Variants in PKHD1L1 observed in about 807,000 individuals in gnomAD.
The protein encoded by PKHD1L1 is fibrocystin-L.
Under a neutral mutation model 462.9 loss-of-function variants are expected in PKHD1L1, and 434 were observed. The ratio of observed to expected loss-of-function variants is 0.94; its 90% confidence interval spans 0.87 to 1.02. The LOEUF (loss-of-function observed/expected upper bound fraction) is 1.02, where lower values mean the gene tolerates loss of function less well. PKHD1L1 is among the 50% of genes least tolerant of loss of function. PKHD1L1 has a pLI of 0.00. For synonymous variants in PKHD1L1, 1,781 were observed against 1,750.0 expected (o/e 1.02, Z -0.44); for missense variants, 5,202 against 5,096.1 (o/e 1.02, Z -0.63).
chr8:109,436,671 A>G (rs1815434411), intron 30 of PKHD1L1, among the ~76,000 whole-genome samples: 1 of 152,222 alleles, frequency 6.6e-6, no homozygotes, highest in Non-Finnish European at 1.5e-5. Context: ...ACTTAAAATC[A>G]TGAAGAAAAG....
At chr8:109,501,059 G>A (rs887641168) in intron 67 of PKHD1L1, among the ~76,000 whole-genome samples, 1 of 152,136 alleles carries the variant, frequency 6.6e-6, no homozygotes, top group African/African-American at 2.4e-5. Flanking sequence ...GGATAATGGT[G>A]AAAACAGTTA....
rs1433973445 is a variant in PKHD1L1, at chr8:109,534,395, G to A, written c.*4305G>A. ...GGAGAATGGTGTGAACCCAGGAGGCGGAGCTTGCAGTGAGCTGAGATCTCG... is the reference window on the plus strand; with the variant it reads ...GGAGAATGGTGTGAACCCAGGAGGCAGAGCTTGCAGTGAGCTGAGATCTCG... On this transcript the variant is annotated 3_prime_UTR_variant, in exon 78 of 78. Coordinates refer to ENST00000378402, the MANE Select transcript of PKHD1L1 (RefSeq NM_177531.6). 3.9e-5 allele frequency among the ~76,000 whole-genome samples: 6 copies of A among 152,110 alleles called. No individual in the cohort carries two copies. Among genetic ancestry groups the A allele is most frequent in the Non-Finnish European group, 7.4e-5 (5 of 67,996 alleles).
At chr8:109,429,908 A>G (rs1449608733) in intron 26 of PKHD1L1, 24 bp from the exon 27 acceptor site, 1 of 1,509,608 alleles carries the variant, frequency 6.6e-7, no homozygotes, top group South Asian at 1.1e-5. Flanking sequence ...CATGTTCTGT[A>G]GCTTCTTGTT....
rs188518590 is a variant in PKHD1L1 at position 109,536,272 on chromosome 8, G to T, written c.*6182G>T. 6.6e-6 allele frequency among the ~76,000 whole-genome samples: 1 copy of T among 152,172 alleles called. No homozygotes were observed. Among genetic ancestry groups the T allele is most frequent in the Non-Finnish European group, 1.5e-5 (1 of 68,028 alleles). On this transcript the variant is annotated 3_prime_UTR_variant, in exon 78 of 78. Transcript: ENST00000378402. ...GATATTTAATTTGCAAAATAAATCC[G>T]TAAAGCAGGAATTACTAACCTAATT...
intron 71 of PKHD1L1, among the ~76,000 whole-genome samples, chr8:109,514,547 A>G (rs1820166216): frequency 6.6e-6 from 1 of 152,116 alleles, no homozygotes; most frequent in African/African-American, 2.4e-5. Context: ...GACTGTCAAT[A>G]TTCTGAGCCT....
At chr8:109,503,317 A>C (rs1381323977) in intron 67 of PKHD1L1, among the ~76,000 whole-genome samples, 3 of 56,464 alleles carry the variant, frequency 5.3e-5, no homozygotes, top group East Asian at 4.4e-4. Flanking sequence ...AAAACAAACA[A>C]AAAAAAAACA....
rs182714045 is a variant in PKHD1L1 at position 109,388,685 on chromosome 8, C to T, written c.623+135C>T. The T allele has an allele frequency of 2.7e-4, 177 of 657,784 alleles. No homozygotes were observed. In the East Asian group the frequency reaches 4.4e-3, roughly 16 times the overall value. 40.7% of individuals were successfully genotyped at this position (657,784 alleles called of 1,614,324 possible). A position where few individuals can be genotyped will look rare whatever the true frequency, so the allele number is the denominator to read the frequency against. On this transcript the variant is annotated intron_variant, in intron 7 of 77. Coordinates refer to ENST00000378402, the MANE Select transcript of PKHD1L1 (RefSeq NM_177531.6). The stretch of plus-strand genomic sequence containing the variant: ...GTATAAATTATAATATTCCACATAG[C>T]GCATTAGCAATCATTTTTACAGTTA...
At chr8:109,413,888 C>A (rs942323541) in intron 21 of PKHD1L1, among the ~76,000 whole-genome samples, 2 of 151,688 alleles carry the variant, frequency 1.3e-5, no homozygotes, top group African/African-American at 4.8e-5. Context: ...TAGAAAGAGA[C>A]AGGCTTATCA....
At chr8:109,512,513 C>A (rs903321962) in intron 71 of PKHD1L1, among the ~76,000 whole-genome samples, 23 of 151,946 alleles carry the variant, frequency 1.5e-4, no homozygotes, top group African/African-American at 5.5e-4. Context: ...TGTAGATATG[C>A]GGCATTATTT....
chr8:109,442,847 GT>G, intron 35 of PKHD1L1, 98 bp from the exon 36 acceptor site: 2 of 1,121,358 alleles, frequency 1.8e-6, no homozygotes, highest in Non-Finnish European at 2.6e-6. Context: ...ACTGTCATCT[GT>G]ATGTGCATTT....
At chr8:109,448,422 A>G in intron 39 of PKHD1L1, 31 bp downstream of exon 39, 1 of 1,560,354 alleles carries the variant, frequency 6.4e-7, no homozygotes, top group Non-Finnish European at 8.7e-7. Context: ...ACCTGCAGAT[A>G]TTTTGTTTCA....
intron 23 of PKHD1L1, among the ~76,000 whole-genome samples, chr8:109,421,827 C>T (rs1229093035): frequency 6.6e-6 from 1 of 152,092 alleles, no homozygotes; most frequent in Non-Finnish European, 1.5e-5. Context: ...TCTGTATTCT[C>T]AAAGCATCTG....
intron 9 of PKHD1L1, among the ~76,000 whole-genome samples, chr8:109,392,772 C>T (rs776086827): frequency 2.6e-5 from 4 of 152,000 alleles, no homozygotes; most frequent in Non-Finnish European, 4.4e-5. Context: ...TCATATTTCA[C>T]AAATTTCATG....
In PKHD1L1 at chr8:109,442,613, A is replaced by G. The variant is rs139799338; in HGVS notation, c.4394-333A>G. ...TTAGATTGTCTGTTTTGTTTTGTAC[A>G]TGTAAGATTTTGAACCTTTCACTCA... is the stretch of plus-strand genomic sequence containing the variant. On this transcript the variant is annotated intron_variant, in intron 35 of 77. Transcript: ENST00000378402. Among the ~76,000 whole-genome samples the G allele has an allele frequency of 4.7e-4, 72 of 152,282 alleles. No homozygotes were observed. The East Asian group carries it at 0.01, about 22-fold the overall frequency.
chr8:109,520,313 A>G (rs1820484330), intron 73 of PKHD1L1, among the ~76,000 whole-genome samples: 1 of 152,066 alleles, frequency 6.6e-6, no homozygotes, highest in Non-Finnish European at 1.5e-5. Context: ...ACATATACAG[A>G]TTACTCACCT....
chr8:109,524,510 A>C (rs1820717426), intron 76 of PKHD1L1, among the ~76,000 whole-genome samples: 3 of 152,260 alleles, frequency 2.0e-5, no homozygotes, highest in South Asian at 4.1e-4. Flanking sequence ...TCACCTCCTC[A>C]TGAGGGTGGA....
chr8:109,423,064 A>G (rs1814555646), intron 23 of PKHD1L1, among the ~76,000 whole-genome samples: 1 of 152,170 alleles, frequency 6.6e-6, no homozygotes, highest in South Asian at 2.1e-4. Context: ...TATGGTTTGC[A>G]AATATTTTCT....
chr8:109,424,511 A>G (rs1814636304), intron 23 of PKHD1L1, among the ~76,000 whole-genome samples: 1 of 152,208 alleles, frequency 6.6e-6, no homozygotes, highest in Non-Finnish European at 1.5e-5. Context: ...TATCATCAAC[A>G]GGAGAATATA....
rs143777711 is a variant in PKHD1L1, at chr8:109,397,388, G to A, written c.923-1071G>A. ...GCATCCATAAAACACTCAAAATAGT[G>A]AAACGGGCTGGGTGCAGTGGCTCAT... On this transcript the variant is annotated intron_variant, in intron 11 of 77. Transcript: ENST00000378402. 6.5e-3 allele frequency among the ~76,000 whole-genome samples: 984 copies of A among 152,158 alleles called. 7 individuals are homozygous for A. Among genetic ancestry groups the A allele is most frequent in the Middle Eastern group, 0.051 (15 of 294 alleles).
Sources: allele counts gnomAD v4.1 joint callset (sites outside exome capture counted in the v4.1 genomes callset), GRCh38; gene constraint gnomAD v4.1.1; transcripts MANE v1.5; gene names NCBI Gene and HGNC (gene_info 2026-07-23, HGNC 2026-07-21).